The following ACACA variants were observed in gnomAD, a reference collection of about 807,000 sequenced individuals.
ACACA encodes acetyl-CoA carboxylase alpha, also known as acetyl-CoA carboxylase 1.
ACACA carries 103 observed loss-of-function variants against 296.1 expected under a neutral mutation model. The ratio of observed to expected loss-of-function variants is 0.35; its 90% CI spans 0.30 to 0.41. ACACA has a LOEUF of 0.41. ACACA is among the 10% of genes least tolerant of loss of function. The probability of loss-of-function intolerance (pLI) is 1.00; values close to 1 mark genes in which losing one functional copy is unlikely to be tolerated. For synonymous variants in ACACA, 953 were observed against 1,038.6 expected (o/e 0.92, Z 1.58); for missense variants, 1,554 against 2,989.7 (o/e 0.52, Z 11.20).
chr17:37,202,209 G>C (rs1182751778), intron 33 of ACACA, among the ~76,000 whole-genome samples: 2 of 152,166 alleles, frequency 1.3e-5, no homozygotes. Context: ...AGCATCAGTA[G>C]CTATGTTCTG....
At chr17:37,193,178 T>C (rs916023101) in intron 36 of ACACA, among the ~76,000 whole-genome samples, 196 bp downstream of exon 36, 1 of 152,180 alleles carries the variant, frequency 6.6e-6, no homozygotes, top group Non-Finnish European at 1.5e-5. Context: ...GCTCAATACA[T>C]TTGGTTGTTT....
chr17:37,325,933 C>T (rs2047599641), intron 3 of ACACA, among the ~76,000 whole-genome samples: 1 of 151,516 alleles, frequency 6.6e-6, no homozygotes, highest in Non-Finnish European at 1.5e-5. Context: ...TCCAGCTGGG[C>T]ATGGTGGCTC....
chr17:37,380,837 C>T (rs2050216429), intron 1 of ACACA, among the ~76,000 whole-genome samples: 2 of 151,954 alleles, frequency 1.3e-5, no homozygotes, highest in Admixed American at 1.3e-4. Flanking sequence ...CCTCAAGTAT[C>T]TGCCCGCCTT....
At chr17:37,199,204 C>A (rs2078136774) in intron 35 of ACACA, among the ~76,000 whole-genome samples, 2 of 149,450 alleles carry the variant, frequency 1.3e-5, no homozygotes. Flanking sequence ...TGCGCCACTG[C>A]ACTCCAGCCT....
chr17:37,308,476 T>C (rs1340722148), intron 3 of ACACA, among the ~76,000 whole-genome samples: 2 of 152,166 alleles, frequency 1.3e-5, no homozygotes, highest in Admixed American at 6.6e-5. Flanking sequence ...CTATAAATCC[T>C]ATAGACATGA....
chr17:37,311,413 A>AACAC lies in ACACA; in HGVS notation c.338+18756_338+18759dup, dbSNP rs34417650. ...TTGTCAGCATTGTTCTGGGTTACAA[A>AACAC]ACACACACACACAAATACACACACA... On this transcript the variant is annotated intron_variant, in intron 3 of 55. Coordinates refer to ENST00000616317, the MANE Select transcript of ACACA (RefSeq NM_198834.3). Among the ~76,000 whole-genome samples, 5 of 151,610 alleles carry AACAC rather than the reference A, an allele frequency of 3.3e-5. No homozygotes were observed. The South Asian group carries it at 8.3e-4, about 25-fold the overall frequency.
At chr17:37,180,166 T>A (rs2077265310) in intron 40 of ACACA, among the ~76,000 whole-genome samples, 1 of 152,184 alleles carries the variant, frequency 6.6e-6, no homozygotes, top group South Asian at 2.1e-4. Context: ...GAAGAATTAC[T>A]TAGAATGTGA....
chr17:37,174,020 A>ATATATATATATATATTTTTTTTT (rs552735515), intron 41 of ACACA, among the ~76,000 whole-genome samples: 1 of 16,794 alleles, frequency 6.0e-5, no homozygotes, highest in Non-Finnish European at 9.9e-5. Context: ...ATATATATAT[A>ATATATATATATATATTTTTTTTT]TTTTTTTTTT....
At chr17:37,272,908 T>C (rs1468406965) in intron 9 of ACACA, among the ~76,000 whole-genome samples, 3 of 152,130 alleles carry the variant, frequency 2.0e-5, no homozygotes, top group African/African-American at 7.2e-5. Flanking sequence ...TATCTTTGGA[T>C]GGTGTGTTTG....
At chr17:37,112,958 AGG>A in intron 51 of ACACA, 128 bp downstream of exon 51, 1 of 1,136,896 alleles carries the variant, frequency 8.8e-7, no homozygotes, top group Non-Finnish European at 1.3e-6. Flanking sequence ...CTGTAATGGA[AGG>A]AAAAAGCTTT....
intron 1 of ACACA, chr17:37,391,970 C>T (rs1016112644): frequency 4.1e-5 from 21 of 512,538 alleles, no homozygotes; most frequent in South Asian, 9.6e-5. Context: ...TCCCCTCAAA[C>T]GAGAACAAAA....
At chr17:37,209,917 T>C (rs2078673643) in intron 30 of ACACA, among the ~76,000 whole-genome samples, 1 of 152,244 alleles carries the variant, frequency 6.6e-6, no homozygotes, top group South Asian at 2.1e-4. Context: ...AACTTAAATA[T>C]ACTTTTCCAA....
intron 3 of ACACA, among the ~76,000 whole-genome samples, chr17:37,316,603 T>C (rs576400023): frequency 6.6e-6 from 1 of 152,288 alleles, no homozygotes; most frequent in South Asian, 2.1e-4. Context: ...GGTAGGAATA[T>C]AAATTAGTAC....
chr17:37,377,385 G>A (rs550243264), intron 1 of ACACA, among the ~76,000 whole-genome samples: 3 of 152,158 alleles, frequency 2.0e-5, no homozygotes, highest in East Asian at 1.9e-4. Context: ...AGGGCCGGGC[G>A]TGGTGGCTCA....
chr17:37,103,392 G>A (rs889344924), intron 52 of ACACA, among the ~76,000 whole-genome samples: 2 of 152,166 alleles, frequency 1.3e-5, no homozygotes, highest in Admixed American at 6.5e-5. Flanking sequence ...CTAAGCTCTC[G>A]ATCAATGCTG....
rs191808883 is a variant in ACACA, at chr17:37,328,607, C to G, written c.338+1566G>C. The G allele has an allele frequency of 3.8e-5, 11 of 286,660 alleles. No homozygotes were observed. In the Admixed American group the frequency reaches 5.7e-4, roughly 15 times the overall value. The allele number at this position is 286,660 out of a possible 1,614,324, so 17.8% of individuals were successfully genotyped here. ...GCCTAGTCTCTCAGAAGCCCCGATC[C>G]CAAGCCCCAGGGATAACAGTAAGAC... On this transcript the variant is annotated intron_variant, in intron 3 of 55. Coordinates refer to ENST00000616317, the MANE Select transcript of ACACA (RefSeq NM_198834.3).
intron 1 of ACACA, among the ~76,000 whole-genome samples, chr17:37,344,094 A>G (rs2048507041): frequency 6.6e-6 from 1 of 151,548 alleles, no homozygotes; most frequent in African/African-American, 2.4e-5. Flanking sequence ...ATAAAAAGAT[A>G]AAAAATAAAA....
chr17:37,264,811 G>T (rs1163356583), intron 10 of ACACA, among the ~76,000 whole-genome samples: 1 of 152,128 alleles, frequency 6.6e-6, no homozygotes, highest in African/African-American at 2.4e-5. Flanking sequence ...GTTTTGCCAT[G>T]TAGCAAGTCA....
chr17:37,368,979 A>G (rs1400980941), intron 1 of ACACA, among the ~76,000 whole-genome samples: 3 of 152,216 alleles, frequency 2.0e-5, no homozygotes, highest in Non-Finnish European at 4.4e-5. Context: ...TACCCTGGAG[A>G]AACTTTCAAA....
Sources: allele counts gnomAD v4.1 joint callset (sites outside exome capture counted in the v4.1 genomes callset), GRCh38; gene constraint gnomAD v4.1.1; transcripts MANE v1.5; gene names NCBI Gene and HGNC (gene_info 2026-07-23, HGNC 2026-07-21).